TACC1: variants seen among roughly 807,000 people sequenced by gnomAD.
TACC1 encodes the protein transforming acidic coiled-coil containing protein 1, also known as transforming acidic coiled-coil-containing protein 1.
TACC1 carries 48 observed loss-of-function variants against 84.4 expected under a neutral mutation model. The observed-to-expected ratio is 0.57, with a 90% CI of 0.45 to 0.72. The LOEUF is 0.72. TACC1 is among the 30% of genes least tolerant of loss of function. The probability of loss-of-function intolerance (pLI) is 0.00; values close to 1 mark genes in which losing one functional copy is unlikely to be tolerated. For missense variants in TACC1, 920 were observed against 973.0 expected (o/e 0.95, Z 0.72); for synonymous variants, 372 against 376.3 (o/e 0.99, Z 0.13).
chr8:38,792,766 GT>G (rs1012244480), intron 2 of TACC1, among the ~76,000 whole-genome samples: 3 of 151,912 alleles, frequency 2.0e-5, no homozygotes, highest in Non-Finnish European at 2.9e-5. Context: ...CGCCTGGCCA[GT>G]TTTTTTATTT....
chr8:38,737,804 C>T lies in TACC1; in HGVS notation c.-674-4547C>T, dbSNP rs565130200. ...GTGCAATGGTGCGATCTCGGCTCAC[C>T]GCAACCTCTGCCTCCTGGGTTCAAG... On this transcript the variant is annotated intron_variant, in intron 1 of 14. Transcript: ENST00000518415. 8.6e-5 allele frequency among the ~76,000 whole-genome samples: 13 copies of T among 151,502 alleles called. 1 individual carries two copies. Among genetic ancestry groups the T allele is most frequent in the Admixed American group, 5.9e-4 (9 of 15,212 alleles).
At chr8:38,837,063 T>G (rs1830369366) in intron 7 of TACC1, among the ~76,000 whole-genome samples, 1 of 151,846 alleles carries the variant, frequency 6.6e-6, no homozygotes, top group Admixed American at 6.6e-5. Flanking sequence ...GCTAGTCCTG[T>G]TTTCAAAACT....
In TACC1 at chr8:38,836,245, C is replaced by T. The variant is rs1830210487; in HGVS notation, c.1797C>T (p.Ser599=). Residue 599 remains serine, a synonymous_variant, in exon 7 of 13, where the codon AGC becomes AGT. Coordinates refer to ENST00000317827, the MANE Select transcript of TACC1 (RefSeq NM_006283.3). ...GCCCCCTGGATGGGATCTGCCTCAG[C>T]GAATCAGACAAGACAGCCGTGCTCA... The part of the protein sequence containing the change: ...GESPLDGICL[S]ESDKTAVLTL... The T allele has an allele frequency of 5.6e-6, 9 of 1,612,244 alleles. No homozygotes were observed. Among genetic ancestry groups the T allele is most frequent in the East Asian group, 2.2e-5 (1 of 44,870 alleles).
upstream of TACC1, among the ~76,000 whole-genome samples, chr8:38,785,484 G>A (rs1816960674): frequency 1.3e-5 from 2 of 152,150 alleles, no homozygotes; most frequent in Non-Finnish European, 2.9e-5. Context: ...GGTGACCTCA[G>A]GCAAGAAAAC....
At chr8:38,815,288 A>G (rs1251614743) in intron 2 of TACC1, among the ~76,000 whole-genome samples, 1 of 152,250 alleles carries the variant, frequency 6.6e-6, no homozygotes, top group African/African-American at 2.4e-5. Context: ...GTTCATCTCC[A>G]CTTATTTCCA....
At chr8:38,738,767 G>T (rs1806485625) in intron 1 of TACC1, among the ~76,000 whole-genome samples, 2 of 151,914 alleles carry the variant, frequency 1.3e-5, no homozygotes, top group African/African-American at 4.8e-5. Context: ...AGTATCCCTG[G>T]TTCCTTTCGT....
chr8:38,829,824 CA>C lies in TACC1; in HGVS notation c.1661-1300del, dbSNP rs1435134610. 7.3e-4 allele frequency among the ~76,000 whole-genome samples: 111 copies of C among 152,328 alleles called. 2 individuals are homozygous for C. The highest frequency in any genetic ancestry group is 4.7e-4 in the Non-Finnish European group (32 of 68,028). On this transcript the variant is annotated intron_variant, in intron 5 of 12. Coordinates refer to ENST00000317827, the MANE Select transcript of TACC1 (RefSeq NM_006283.3). ...TGGTTACATTGTAACTGATCAGCCGCATCACAAGCAAGTGGAGGCTGCGGTC... is the reference window on the plus strand; with the variant it reads ...TGGTTACATTGTAACTGATCAGCCGCTCACAAGCAAGTGGAGGCTGCGGTC...
At chr8:38,790,692 C>T (rs1412487702) in intron 2 of TACC1, among the ~76,000 whole-genome samples, 1 of 152,204 alleles carries the variant, frequency 6.6e-6, no homozygotes, top group African/African-American at 2.4e-5. Flanking sequence ...TGGTAATAGA[C>T]TGCATGATGG....
At chr8:38,764,112 C>G (rs1016596185) in intron 3 of TACC1, among the ~76,000 whole-genome samples, 1 of 152,172 alleles carries the variant, frequency 6.6e-6, no homozygotes, top group African/African-American at 2.4e-5. Context: ...GAATCTCACT[C>G]TGTCACCCAG....
intron 3 of TACC1, among the ~76,000 whole-genome samples, chr8:38,757,726 A>T (rs1478225461): frequency 1.3e-5 from 2 of 152,046 alleles, no homozygotes; most frequent in East Asian, 3.9e-4. Flanking sequence ...ACGTGTCCTA[A>T]AGAGCTCTGA....
chr8:38,743,437 G>C (rs543473644), intron 2 of TACC1, among the ~76,000 whole-genome samples: 1 of 152,230 alleles, frequency 6.6e-6, no homozygotes, highest in Non-Finnish European at 1.5e-5. Context: ...TGGTTGGGGG[G>C]CAGTTTTATA....
intron 2 of TACC1, among the ~76,000 whole-genome samples, chr8:38,810,215 A>C (rs755081932): frequency 6.6e-6 from 1 of 152,106 alleles, no homozygotes; most frequent in Admixed American, 6.5e-5. Flanking sequence ...TGATGTAATT[A>C]TCAATAATAT....
At chr8:38,812,127 G>A (rs574253622) in intron 2 of TACC1, among the ~76,000 whole-genome samples, 2 of 152,242 alleles carry the variant, frequency 1.3e-5, no homozygotes, top group Admixed American at 1.3e-4. Context: ...CTCTGCTCTC[G>A]AACCCTGTTT....
At chr8:38,757,510 G>A in intron 3 of TACC1, 2 of 1,085,560 alleles carry the variant, frequency 1.8e-6, no homozygotes, top group South Asian at 3.9e-5. Flanking sequence ...GGGAAGGTGG[G>A]GTTCCCGCTG....
At chr8:38,754,307 A>G (rs1319770826) in intron 3 of TACC1, among the ~76,000 whole-genome samples, 2 of 152,022 alleles carry the variant, frequency 1.3e-5, no homozygotes, top group African/African-American at 2.4e-5. Context: ...TTCTGCACTA[A>G]TAGTAGTAAG....
intron 3 of TACC1, among the ~76,000 whole-genome samples, chr8:38,746,552 A>T (rs1317612037): frequency 6.6e-6 from 1 of 152,092 alleles, no homozygotes; most frequent in East Asian, 1.9e-4. Flanking sequence ...AGTCTCTGAG[A>T]TTTTGTTCAT....
At chr8:38,833,351 T>C (rs1048731569) in intron 6 of TACC1, among the ~76,000 whole-genome samples, 10 of 152,242 alleles carry the variant, frequency 6.6e-5, no homozygotes, top group African/African-American at 2.2e-4. Context: ...TGTTCTGCAC[T>C]TTTTGATAAG....
chr8:38,782,171 T>TC (rs1339521369), intron 3 of TACC1, among the ~76,000 whole-genome samples: 1 of 151,092 alleles, frequency 6.6e-6, no homozygotes, highest in Non-Finnish European at 1.5e-5. Context: ...CCCTCACCCA[T>TC]CCCCCCACCC....
At chr8:38,814,380 TATG>T (rs1353026882) in intron 2 of TACC1, among the ~76,000 whole-genome samples, 1 of 152,246 alleles carries the variant, frequency 6.6e-6, no homozygotes, top group Non-Finnish European at 1.5e-5. Context: ...TGACTGCATA[TATG>T]ATGTGATCAT....
Sources: allele counts gnomAD v4.1 joint callset (sites outside exome capture counted in the v4.1 genomes callset), GRCh38; gene constraint gnomAD v4.1.1; transcripts MANE v1.5; gene names NCBI Gene and HGNC (gene_info 2026-07-23, HGNC 2026-07-21).